Variants in TLCD4 observed in about 807,000 individuals in gnomAD.
TLCD4 encodes the protein TLC domain-containing protein 4.
TLCD4 carries 7 observed loss-of-function variants against 24.2 expected under a neutral mutation model. That is an observed-to-expected ratio of 0.29 (90% CI 0.16 to 0.54). The LOEUF (loss-of-function observed/expected upper bound fraction) is 0.54, where lower values mean the gene tolerates loss of function less well. Ranked by LOEUF, TLCD4 falls within the 20% of genes least tolerant of loss-of-function variation. The pLI is 0.95. For synonymous variants in TLCD4, 103 were observed against 106.4 expected (o/e 0.97, Z 0.20); for missense variants, 259 against 313.9 (o/e 0.82, Z 1.32).
chr1:95,114,532 T>C (rs903226579), upstream of TLCD4, among the ~76,000 whole-genome samples: 1 of 152,198 alleles, frequency 6.6e-6, no homozygotes, highest in African/African-American at 2.4e-5. Flanking sequence ...CAGGAAAACT[T>C]ACTTCATTTA....
chr1:95,126,482 C>T (rs1259166536), intron 1 of TLCD4, among the ~76,000 whole-genome samples: 1 of 150,890 alleles, frequency 6.6e-6, no homozygotes, highest in Non-Finnish European at 1.5e-5. Context: ...TTTATTGAGT[C>T]GTCTTTTAAT....
the TLCD4 span, among the ~76,000 whole-genome samples, chr1:95,093,822 C>T: frequency 6.6e-6 from 1 of 152,232 alleles, no homozygotes; most frequent in East Asian, 1.9e-4. Flanking sequence ...TCAACTATAA[C>T]ATGTCCCAAA....
At chr1:95,098,827 G>C in the TLCD4 span, among the ~76,000 whole-genome samples, 1 of 152,080 alleles carries the variant, frequency 6.6e-6, no homozygotes, top group Non-Finnish European at 1.5e-5. Flanking sequence ...CACTTTGGGA[G>C]GCCGAGGTGG....
intron 1 of TLCD4, among the ~76,000 whole-genome samples, chr1:95,142,304 T>G (rs1455592202): frequency 6.6e-6 from 1 of 150,834 alleles, no homozygotes; most frequent in Non-Finnish European, 1.5e-5. Context: ...TTTTTTTTTT[T>G]TTTTTTTTAA....
the TLCD4 span, among the ~76,000 whole-genome samples, chr1:95,096,682 A>G: frequency 1.3e-5 from 2 of 152,214 alleles, no homozygotes; most frequent in African/African-American, 2.4e-5. Context: ...ACGTGATTTC[A>G]GCACTACCTC....
At chr1:95,092,686 A>T in the TLCD4 span, among the ~76,000 whole-genome samples, 1 of 152,064 alleles carries the variant, frequency 6.6e-6, no homozygotes, top group African/African-American at 2.4e-5. Flanking sequence ...ACATCCGAAC[A>T]TCAGAAGGAA....
chr1:95,121,711 C>G (rs1178264647), intron 1 of TLCD4, among the ~76,000 whole-genome samples: 2 of 152,328 alleles, frequency 1.3e-5, no homozygotes, highest in Non-Finnish European at 2.9e-5. Context: ...CTCAAGTGAT[C>G]CGCCCAACTC....
chr1:95,133,717 T>C (rs1676966279), intron 1 of TLCD4, among the ~76,000 whole-genome samples: 1 of 151,714 alleles, frequency 6.6e-6, no homozygotes. Flanking sequence ...TTGGTTGGAG[T>C]GGCAAATGGT....
intron 6 of TLCD4, among the ~76,000 whole-genome samples, chr1:95,190,562 G>C (rs1328702864): frequency 1.3e-5 from 2 of 151,922 alleles, no homozygotes; most frequent in African/African-American, 4.8e-5. Context: ...CTCCTGACCT[G>C]ATGATCCACG....
chr1:95,101,622 GT>G, the TLCD4 span, among the ~76,000 whole-genome samples: 1 of 152,088 alleles, frequency 6.6e-6, no homozygotes, highest in African/African-American at 2.4e-5. Context: ...GATTTACAAG[GT>G]TTTTTGTTTG....
chr1:95,189,385 G>C (rs1678946377), intron 6 of TLCD4, among the ~76,000 whole-genome samples: 1 of 152,134 alleles, frequency 6.6e-6, no homozygotes, highest in South Asian at 2.1e-4. Context: ...TTGCATCCTG[G>C]TATCCCCCAA....
At chr1:95,102,906 C>CTATA in the TLCD4 span, among the ~76,000 whole-genome samples, 14 of 150,566 alleles carry the variant, frequency 9.3e-5, no homozygotes, top group African/African-American at 1.9e-4. Flanking sequence ...GGATAAAGTA[C>CTATA]TATATATATA....
the TLCD4 span, among the ~76,000 whole-genome samples, chr1:95,112,113 T>C: frequency 6.6e-6 from 1 of 152,168 alleles, no homozygotes; most frequent in African/African-American, 2.4e-5. Flanking sequence ...GCAGCATCCA[T>C]GGCTTCTACT....
At chr1:95,146,098 TTCTTTC>T (rs1677338365) in intron 2 of TLCD4, among the ~76,000 whole-genome samples, 2 of 151,964 alleles carry the variant, frequency 1.3e-5, no homozygotes, top group African/African-American at 4.8e-5. Flanking sequence ...ACACACATAA[TTCTTTC>T]TAGTGATCAG....
intron 1 of TLCD4, among the ~76,000 whole-genome samples, chr1:95,118,635 G>A (rs1315433328): frequency 1.6e-4 from 25 of 152,166 alleles, no homozygotes; most frequent in Admixed American, 1.6e-3. Flanking sequence ...ACCTTGGATT[G>A]TGGTGTTTTA....
At chr1:95,158,404 A>C (rs1677691044) in intron 5 of TLCD4, among the ~76,000 whole-genome samples, 1 of 151,964 alleles carries the variant, frequency 6.6e-6, no homozygotes, top group African/African-American at 2.4e-5. Context: ...GCTGGTCTCA[A>C]ACTGCTGGGC....
chr1:95,111,565 C>T, the TLCD4 span, among the ~76,000 whole-genome samples: 1 of 152,126 alleles, frequency 6.6e-6, no homozygotes, highest in African/African-American at 2.4e-5. Flanking sequence ...GAAAAGTCTA[C>T]AACAGATAAG....
At chr1:95,186,666 T>G (rs909863326) in intron 6 of TLCD4, among the ~76,000 whole-genome samples, 4 of 152,110 alleles carry the variant, frequency 2.6e-5, no homozygotes, top group Non-Finnish European at 5.9e-5. Context: ...AGAAGGGAAG[T>G]CTTTGGAGAA....
intron 5 of TLCD4, among the ~76,000 whole-genome samples, chr1:95,155,635 CT>C (rs1324871092): frequency 6.6e-6 from 1 of 151,870 alleles, no homozygotes; most frequent in Admixed American, 6.6e-5. Context: ...GTGATGCTAT[CT>C]GTCATTGGAT....
Sources: gnomAD v4.1 joint callset for allele counts (sites outside exome capture counted in the v4.1 genomes callset) on GRCh38, gnomAD v4.1.1 for gene constraint, MANE v1.5 for transcripts, NCBI Gene and HGNC (gene_info 2026-07-23, HGNC 2026-07-21) for gene names.